Variants in COL13A1 observed in about 807,000 individuals in gnomAD.
COL13A1 encodes the protein collagen alpha-1(XIII) chain.
In COL13A1, 89 loss-of-function variants were observed where a neutral mutation model predicts 130.9. That is an observed-to-expected ratio of 0.68 (90% confidence interval 0.57 to 0.81). The LOEUF (loss-of-function observed/expected upper bound fraction) is 0.81, where lower values mean the gene tolerates loss of function less well. Ranked by LOEUF, COL13A1 falls within the 30% of genes least tolerant of loss-of-function variation. The pLI, the probability that COL13A1 is intolerant of heterozygous loss-of-function variation, is 0.00. For missense variants in COL13A1, 879 were observed against 934.6 expected (o/e 0.94, Z 0.78); for synonymous variants, 402 against 341.6 (o/e 1.18, Z -1.95).
At chr10:69,933,155 A>C (rs961041147) in intron 31 of COL13A1, among the ~76,000 whole-genome samples, 7 of 148,510 alleles carry the variant, frequency 4.7e-5, no homozygotes, top group East Asian at 1.9e-4. Context: ...AAAAAAAAAA[A>C]AAAAAAAAAA....
At chr10:69,837,490 C>T (rs914193772) in intron 2 of COL13A1, among the ~76,000 whole-genome samples, 6 of 152,238 alleles carry the variant, frequency 3.9e-5, no homozygotes, top group Non-Finnish European at 8.8e-5. Context: ...ACAGGTGACA[C>T]CCCTGCTGTT....
intron 7 of COL13A1, among the ~76,000 whole-genome samples, chr10:69,882,817 G>A (rs113202082): frequency 0.025 from 3,758 of 152,298 alleles, 58 homozygotes; most frequent in Middle Eastern, 0.054. Context: ...TCTGACTTTG[G>A]CCCCCATCAC....
intron 2 of COL13A1, among the ~76,000 whole-genome samples, chr10:69,860,321 G>A (rs1183517944): frequency 6.6e-6 from 1 of 152,238 alleles, no homozygotes; most frequent in Non-Finnish European, 1.5e-5. Flanking sequence ...CTGCACAGCA[G>A]CCATGCATAG....
At chr10:69,814,396 G>A (rs557120267) in intron 1 of COL13A1, among the ~76,000 whole-genome samples, 13 of 152,338 alleles carry the variant, frequency 8.5e-5, no homozygotes, top group Admixed American at 8.5e-4. Flanking sequence ...TGGAGCCAGG[G>A]CAGCAGGGGT....
At chr10:69,804,306 C>T (rs1840861287) in intron 1 of COL13A1, among the ~76,000 whole-genome samples, 1 of 152,026 alleles carries the variant, frequency 6.6e-6, no homozygotes, top group Non-Finnish European at 1.5e-5. Context: ...CATGCTTTCC[C>T]CTTCCCAGAC....
At chr10:69,822,783 A>G (rs1451925935) in intron 2 of COL13A1, among the ~76,000 whole-genome samples, 1 of 152,230 alleles carries the variant, frequency 6.6e-6, no homozygotes, top group Non-Finnish European at 1.5e-5. Flanking sequence ...AAGGGGAGGC[A>G]CCTTGCTTGC....
In COL13A1 at chr10:69,889,454, T is replaced by C. The variant is rs200853264; in HGVS notation, c.603+14T>C. On this transcript the variant is annotated intron_variant, in intron 10 of 40. Coordinates refer to ENST00000645393, the MANE Select transcript of COL13A1 (RefSeq NM_001368882.1). Reference sequence around the variant, plus strand: ...AAGGGCGACATGGTAAGAGCCCAGCTTTCCTGCCTTCCCGAGATGGGTGGG... The same window carrying C: ...AAGGGCGACATGGTAAGAGCCCAGCCTTCCTGCCTTCCCGAGATGGGTGGG... The C allele has an allele frequency of 4.2e-4, 680 of 1,610,592 alleles. 2 individuals carry two copies. Among genetic ancestry groups the C allele is most frequent in the Middle Eastern group, 2.6e-3 (16 of 6,056 alleles).
intron 2 of COL13A1, among the ~76,000 whole-genome samples, chr10:69,853,120 CT>C (rs1855431032): frequency 6.6e-6 from 1 of 152,232 alleles, no homozygotes; most frequent in Admixed American, 6.5e-5. Context: ...CAGGGTGCCC[CT>C]GCCCCCTCTA....
chr10:69,919,048 C>T lies in COL13A1; in HGVS notation c.1000-14C>T. The T allele has an allele frequency of 2.5e-6, 4 of 1,614,008 alleles. No homozygotes were observed. The East Asian group carries it at 8.9e-5, about 36-fold the overall frequency. On this transcript the variant is annotated splice_polypyrimidine_tract_variant and intron_variant, in intron 19 of 40. Coordinates refer to ENST00000645393, the MANE Select transcript of COL13A1 (RefSeq NM_001368882.1). ...TTTTCTGTCTCTCACATTTGTTTCT[C>T]TTTTTCCACACAGGGTGAGCCAGGG... is the stretch of plus-strand genomic sequence containing the variant.
intron 19 of COL13A1, 143 bp downstream of exon 19, chr10:69,918,460 A>G (rs1413630981): frequency 1.3e-6 from 1 of 782,894 alleles, no homozygotes; most frequent in Non-Finnish European, 2.0e-6. Context: ...TCTCAAAGTA[A>G]CATTTGTGCC....
intron 2 of COL13A1, among the ~76,000 whole-genome samples, chr10:69,840,130 G>T (rs1430679152): frequency 6.6e-6 from 1 of 152,178 alleles, no homozygotes; most frequent in Non-Finnish European, 1.5e-5. Flanking sequence ...CTGGCTGTCG[G>T]GTGAGAGATG....
intron 31 of COL13A1, among the ~76,000 whole-genome samples, chr10:69,934,816 A>T (rs1362603706): frequency 6.6e-6 from 1 of 152,230 alleles, no homozygotes; most frequent in African/African-American, 2.4e-5. Context: ...ATCTCCAGGA[A>T]CAGCTCAGTC....
intron 33 of COL13A1, among the ~76,000 whole-genome samples, chr10:69,937,309 T>C (rs982407160): frequency 6.6e-6 from 1 of 152,224 alleles, no homozygotes; most frequent in African/African-American, 2.4e-5. Flanking sequence ...GGAGGTAGCA[T>C]CTCAGGCATC....
intron 13 of COL13A1, among the ~76,000 whole-genome samples, chr10:69,896,270 C>T (rs1366258256): frequency 6.6e-6 from 1 of 151,872 alleles, no homozygotes; most frequent in Non-Finnish European, 1.5e-5. Context: ...ACCCAAAAGA[C>T]TGCTGTTGTC....
intron 1 of COL13A1, among the ~76,000 whole-genome samples, chr10:69,807,473 T>A (rs1841897375): frequency 6.6e-6 from 1 of 152,206 alleles, no homozygotes; most frequent in Admixed American, 6.5e-5. Flanking sequence ...GTGATTTTGG[T>A]GCAAAAGTAA....
chr10:69,948,291 C>T (rs1034209011), intron 38 of COL13A1, among the ~76,000 whole-genome samples: 1 of 152,190 alleles, frequency 6.6e-6, no homozygotes, highest in Non-Finnish European at 1.5e-5. Context: ...CATGTTCATG[C>T]ACAGAAAGTG....
At chr10:69,893,024 C>T (rs1163294891) in intron 10 of COL13A1, among the ~76,000 whole-genome samples, 10 of 152,110 alleles carry the variant, frequency 6.6e-5, no homozygotes, top group East Asian at 1.9e-4. Context: ...GGTTCCCTGC[C>T]GGATGAATCA....
intron 15 of COL13A1, among the ~76,000 whole-genome samples, chr10:69,903,426 C>T (rs976972514): frequency 6.6e-6 from 1 of 152,218 alleles, no homozygotes; most frequent in Non-Finnish European, 1.5e-5. Context: ...TGGCACCTCT[C>T]CAGGCTGGAC....
At chr10:69,885,089 A>T (rs985968012) in intron 7 of COL13A1, among the ~76,000 whole-genome samples, 4 of 152,252 alleles carry the variant, frequency 2.6e-5, no homozygotes, top group African/African-American at 9.6e-5. Context: ...AAAACCTGAA[A>T]CTGTAAAATA....
Sources: allele counts gnomAD v4.1 joint callset (sites outside exome capture counted in the v4.1 genomes callset), GRCh38; gene constraint gnomAD v4.1.1; transcripts MANE v1.5; gene names NCBI Gene and HGNC (gene_info 2026-07-23, HGNC 2026-07-21).